GABRB1: variants seen among roughly 807,000 people sequenced by gnomAD.
GABRB1 encodes gamma-aminobutyric acid receptor subunit beta-1.
In GABRB1, 17 loss-of-function variants were observed where a neutral mutation model predicts 51.6. That is an observed-to-expected ratio of 0.33 (90% CI 0.23 to 0.49). The LOEUF (loss-of-function observed/expected upper bound fraction) is 0.49, where lower values mean the gene tolerates loss of function less well. Among genes scored for constraint, GABRB1 ranks in the 20% least tolerant of loss-of-function variants. GABRB1 has a pLI of 0.99. For missense variants in GABRB1, 410 were observed against 600.6 expected, an observed-to-expected ratio of 0.68 and a Z score of 3.32; for synonymous variants, 247 against 218.9, an observed-to-expected ratio of 1.13 and a Z score of -1.14.
chr4:47,022,352 G>A (rs1724950782), intron 1 of GABRB1, among the ~76,000 whole-genome samples: 2 of 152,004 alleles, frequency 1.3e-5, no homozygotes. Flanking sequence ...TATGAAATTA[G>A]CACTTCAAAG....
At chr4:47,019,651 C>CTTTCT (rs1465781768) in intron 1 of GABRB1, among the ~76,000 whole-genome samples, 21 of 135,178 alleles carry the variant, frequency 1.6e-4, no homozygotes, top group Admixed American at 9.0e-4. Context: ...TTCTTTCTTT[C>CTTTCT]TTTCTTTCTT....
intron 5 of GABRB1, among the ~76,000 whole-genome samples, chr4:47,339,072 C>A (rs942941036): frequency 2.6e-5 from 4 of 152,152 alleles, no homozygotes; most frequent in African/African-American, 9.7e-5. Context: ...GTGTCATGAA[C>A]TATTCTAGGC....
At chr4:47,295,156 G>GA (rs1252056423) in intron 4 of GABRB1, among the ~76,000 whole-genome samples, 2 of 152,066 alleles carry the variant, frequency 1.3e-5, no homozygotes, top group Non-Finnish European at 2.9e-5. Flanking sequence ...CAAAGATGGG[G>GA]AAAAAACGGA....
intron 4 of GABRB1, among the ~76,000 whole-genome samples, chr4:47,311,978 T>C (rs1724703849): frequency 6.6e-6 from 1 of 151,936 alleles, no homozygotes; most frequent in South Asian, 2.1e-4. Flanking sequence ...GCTGTCAGGA[T>C]AAGAAGTTCA....
chr4:47,140,945 A>G (rs886510849), intron 3 of GABRB1, among the ~76,000 whole-genome samples: 3 of 151,904 alleles, frequency 2.0e-5, no homozygotes, highest in African/African-American at 7.2e-5. Context: ...TATTTTGTCT[A>G]CAATCCCTCA....
At chr4:47,032,614 C>G (rs756967982) in intron 3 of GABRB1, 130 bp downstream of exon 3, 15 of 828,982 alleles carry the variant, frequency 1.8e-5, no homozygotes, top group Non-Finnish European at 3.2e-5. Flanking sequence ...CGCACCCGCT[C>G]CCCGCTCCGG....
chr4:47,184,783 C>T (rs1003233154), intron 4 of GABRB1, among the ~76,000 whole-genome samples: 3 of 151,798 alleles, frequency 2.0e-5, no homozygotes, highest in Non-Finnish European at 2.9e-5. Flanking sequence ...TCAACCTTCA[C>T]GGAAATACGC....
At chr4:47,402,263 G>A (rs999313374) in intron 5 of GABRB1, among the ~76,000 whole-genome samples, 2 of 152,058 alleles carry the variant, frequency 1.3e-5, no homozygotes, top group Non-Finnish European at 2.9e-5. Flanking sequence ...AGGTATTACT[G>A]GCTTTAATCA....
At position 47,266,744 on chromosome 4, in the gene GABRB1, A is replaced by C. The variant is rs147688274; in HGVS notation, c.462-53383A>C. ...TTCCATGCACAGAGAAGAAGAATAT[A>C]TATATTCTTCAACTGCTGGACAGAA... On this transcript the variant is annotated intron_variant, in intron 4 of 8. Coordinates refer to ENST00000295454, the MANE Select transcript of GABRB1 (RefSeq NM_000812.4). 3.1e-4 allele frequency among the ~76,000 whole-genome samples: 47 copies of C among 152,172 alleles called. No homozygotes were observed. In the East Asian group the frequency reaches 6.6e-3, roughly 21 times the overall value.
intron 4 of GABRB1, among the ~76,000 whole-genome samples, chr4:47,259,305 A>G (rs1047704125): frequency 2.0e-5 from 3 of 152,180 alleles, no homozygotes; most frequent in Non-Finnish European, 2.9e-5. Context: ...CATGTTTGTA[A>G]TCATAAACTT....
chr4:47,025,789 C>G (rs982564062), intron 1 of GABRB1, among the ~76,000 whole-genome samples: 13 of 151,968 alleles, frequency 8.6e-5, no homozygotes, highest in Admixed American at 7.2e-4. Context: ...ATACCTCTCA[C>G]CATCTTACTC....
intron 1 of GABRB1, among the ~76,000 whole-genome samples, chr4:47,022,933 G>A (rs1368036943): frequency 1.3e-5 from 2 of 151,986 alleles, no homozygotes; most frequent in Non-Finnish European, 2.9e-5. Flanking sequence ...AAGAGTCCAT[G>A]AACAGATGAA....
At chr4:47,270,856 A>G (rs965549905) in intron 4 of GABRB1, among the ~76,000 whole-genome samples, 1 of 152,216 alleles carries the variant, frequency 6.6e-6, no homozygotes, top group African/African-American at 2.4e-5. Context: ...TGGTTTGTTT[A>G]TCCTATAGCA....
chr4:47,203,508 G>C (rs969088951), intron 4 of GABRB1, among the ~76,000 whole-genome samples: 2 of 152,092 alleles, frequency 1.3e-5, no homozygotes, highest in African/African-American at 2.4e-5. Flanking sequence ...ATAGAGTAGG[G>C]GTAGTAGGAT....
At chr4:47,200,161 T>A (rs1719842622) in intron 4 of GABRB1, among the ~76,000 whole-genome samples, 1 of 152,222 alleles carries the variant, frequency 6.6e-6, no homozygotes, top group African/African-American at 2.4e-5. Flanking sequence ...GAGAAGCTGG[T>A]AGGACCAATC....
intron 5 of GABRB1, among the ~76,000 whole-genome samples, chr4:47,344,871 C>A (rs1182360830): frequency 6.6e-6 from 1 of 151,960 alleles, no homozygotes; most frequent in Non-Finnish European, 1.5e-5. Context: ...TACAGGTGTG[C>A]ACCACCACGC....
intron 1 of GABRB1, among the ~76,000 whole-genome samples, chr4:47,013,139 C>CTGTGTGTG (rs59902564): frequency 3.6e-4 from 53 of 149,112 alleles, no homozygotes; most frequent in South Asian, 8.6e-4. Context: ...AAATTGCATT[C>CTGTGTGTG]TGTGTGTGTG....
chr4:47,376,497 A>T (rs559219121), intron 5 of GABRB1, among the ~76,000 whole-genome samples: 9 of 152,202 alleles, frequency 5.9e-5, no homozygotes, highest in Non-Finnish European at 1.2e-4. Flanking sequence ...ATACAAAAAA[A>T]TTAGCCGGGC....
intron 3 of GABRB1, among the ~76,000 whole-genome samples, chr4:47,107,102 G>C (rs1439520838): frequency 6.6e-6 from 1 of 152,076 alleles, no homozygotes; most frequent in Non-Finnish European, 1.5e-5. Context: ...AACAGCTAAA[G>C]AGCATCAGAA....
Sources: gnomAD v4.1 joint callset for allele counts (sites outside exome capture counted in the v4.1 genomes callset) on GRCh38, gnomAD v4.1.1 for gene constraint, MANE v1.5 for transcripts, NCBI Gene and HGNC (gene_info 2026-07-23, HGNC 2026-07-21) for gene names.